RAVER2: variants seen among roughly 807,000 people sequenced by gnomAD.
RAVER2 encodes the protein ribonucleoprotein PTB-binding 2.
RAVER2 carries 46 observed loss-of-function variants against 78.1 expected under a neutral mutation model. That is an observed-to-expected ratio of 0.59 (90% confidence interval 0.46 to 0.75). The LOEUF (loss-of-function observed/expected upper bound fraction) is 0.75, where lower values mean the gene tolerates loss of function less well. RAVER2 is among the 30% of genes least tolerant of loss of function. RAVER2 has a pLI of 0.00. For synonymous variants in RAVER2, 311 were observed against 313.3 expected (o/e 0.99, Z 0.08); for missense variants, 793 against 837.5 (o/e 0.95, Z 0.66).
intron 5 of RAVER2, among the ~76,000 whole-genome samples, chr1:64,800,858 T>C (rs1275482264): frequency 6.6e-6 from 1 of 152,148 alleles, no homozygotes; most frequent in Non-Finnish European, 1.5e-5. Context: ...CTCACTGATA[T>C]CATTCTACTC....
At chr1:64,776,128 G>A (rs1036860899) in intron 2 of RAVER2, among the ~76,000 whole-genome samples, 2 of 151,950 alleles carry the variant, frequency 1.3e-5, no homozygotes, top group East Asian at 1.9e-4. Context: ...GGGCTGATAC[G>A]AGAATATAAC....
intron 3 of RAVER2, among the ~76,000 whole-genome samples, chr1:64,780,319 A>G (rs1652593905): frequency 1.3e-5 from 2 of 152,190 alleles, no homozygotes; most frequent in South Asian, 4.1e-4. Context: ...CATGTTTAGA[A>G]GAGGTAGATG....
chr1:64,785,035 G>GTCAT (rs1487100527), intron 4 of RAVER2, among the ~76,000 whole-genome samples: 1 of 152,124 alleles, frequency 6.6e-6, no homozygotes, highest in Non-Finnish European at 1.5e-5. Context: ...ATCAGCTTAT[G>GTCAT]TCATTCTCTT....
intron 1 of RAVER2, among the ~76,000 whole-genome samples, chr1:64,758,687 G>A (rs1557582867): frequency 1.3e-5 from 2 of 152,036 alleles, no homozygotes; most frequent in Admixed American, 6.6e-5. Context: ...CTTCCTTAGG[G>A]TCTCCATATA....
At chr1:64,812,094 TCAACACTTTGGTGTTGAGC>T (rs534484471) in intron 9 of RAVER2, among the ~76,000 whole-genome samples, 62 of 152,066 alleles carry the variant, frequency 4.1e-4, no homozygotes, top group African/African-American at 8.2e-4. Context: ...GCCTGTAATC[TCAACACTTTGGTGTTGAGC>T]CAACACTTTG....
At chr1:64,806,706 G>A (rs992855649) in intron 8 of RAVER2, among the ~76,000 whole-genome samples, 1 of 152,150 alleles carries the variant, frequency 6.6e-6, no homozygotes, top group African/African-American at 2.4e-5. Flanking sequence ...TGTATTAATA[G>A]CTCTCATGAG....
At chr1:64,782,991 T>G (rs1218300333) in intron 4 of RAVER2, among the ~76,000 whole-genome samples, 2 of 152,208 alleles carry the variant, frequency 1.3e-5, no homozygotes, top group African/African-American at 2.4e-5. Context: ...TTTGGTTTTC[T>G]GTCCTTGTAA....
At chr1:64,821,039 C>G (rs1220780480) in intron 11 of RAVER2, among the ~76,000 whole-genome samples, 1 of 152,186 alleles carries the variant, frequency 6.6e-6, no homozygotes, top group African/African-American at 2.4e-5. Context: ...TATTAGTGTT[C>G]CCTTTTCTCC....
In RAVER2 at chr1:64,814,837, A is replaced by G. The variant is rs149901820; in HGVS notation, c.1926A>G (p.Ala642=). 2.0e-4 allele frequency: 315 copies of G among 1,555,304 alleles called. 2 individuals are homozygous for G. In the East Asian group the frequency reaches 4.6e-3, roughly 23 times the overall value. ...ATTCTCCACCTTTTGGTGATTATGC[A>G]CAGGTAAATAATTCCCAGGTTCTGA... Residue 642 remains alanine, a synonymous_variant, in exon 11 of 12, where the codon GCA becomes GCG. Coordinates refer to ENST00000294428, the Ensembl canonical transcript of RAVER2.
chr1:64,745,976 A>G lies in RAVER2; in HGVS notation c.249+555A>G, dbSNP rs539020227. Among the ~76,000 whole-genome samples the G allele has an allele frequency of 6.6e-6, 1 of 152,366 alleles. No homozygotes were observed. The highest frequency in any genetic ancestry group is 2.1e-4 in the South Asian group (1 of 4,832). On this transcript the variant is annotated intron_variant, in intron 1 of 11. Coordinates refer to ENST00000294428, the Ensembl canonical transcript of RAVER2. The surrounding 1 kb of genome is among the most constrained non-coding windows in gnomAD (Gnocchi z 4.3). ...TGTCTTCTCAGTTTGCTAAGGCCCC[A>G]GAATAGAGTTATTGCTGCGCTCCTT... is the stretch of plus-strand genomic sequence containing the variant.
intron 1 of RAVER2, among the ~76,000 whole-genome samples, chr1:64,750,096 A>G (rs1651655923): frequency 6.6e-6 from 1 of 152,122 alleles, no homozygotes. Flanking sequence ...TTCTATTGTC[A>G]CTTTGGATAT....
intron 9 of RAVER2, among the ~76,000 whole-genome samples, chr1:64,811,811 G>A (rs1487561925): frequency 2.0e-5 from 3 of 152,088 alleles, no homozygotes; most frequent in South Asian, 2.1e-4. Flanking sequence ...CTGTGTAGGG[G>A]GTTGGCACCC....
intron 1 of RAVER2, among the ~76,000 whole-genome samples, chr1:64,761,741 A>C (rs1170624143): frequency 6.6e-6 from 1 of 152,228 alleles, no homozygotes; most frequent in Non-Finnish European, 1.5e-5. Flanking sequence ...ATATAAAAAA[A>C]GATGTAAAAC....
At chr1:64,752,427 T>C (rs909207476) in intron 1 of RAVER2, among the ~76,000 whole-genome samples, 1 of 152,242 alleles carries the variant, frequency 6.6e-6, no homozygotes, top group Non-Finnish European at 1.5e-5. Context: ...GGAATGTTGC[T>C]AGCCTAGGAT....
intron 1 of RAVER2, among the ~76,000 whole-genome samples, chr1:64,756,976 C>T (rs1212301587): frequency 6.6e-6 from 1 of 152,172 alleles, no homozygotes; most frequent in Admixed American, 6.5e-5. Context: ...TCAGGGGGTA[C>T]ATGACATTAA....
At chr1:64,768,137 G>A (rs1015020345) in intron 1 of RAVER2, among the ~76,000 whole-genome samples, 8 of 151,782 alleles carry the variant, frequency 5.3e-5, no homozygotes, top group African/African-American at 1.9e-4. Context: ...GCATCTACAG[G>A]TGTATTACTT....
chr1:64,823,344 T>A (rs546201217), intron 11 of RAVER2, among the ~76,000 whole-genome samples: 1 of 152,334 alleles, frequency 6.6e-6, no homozygotes, highest in East Asian at 1.9e-4. Context: ...TAATAATTAA[T>A]TAGAATTGCC....
At chr1:64,761,473 A>T (rs926011689) in intron 1 of RAVER2, among the ~76,000 whole-genome samples, 2 of 152,202 alleles carry the variant, frequency 1.3e-5, no homozygotes, top group Non-Finnish European at 2.9e-5. Flanking sequence ...GATGAGATTT[A>T]ACTCATCTCA....
At chr1:64,831,998 C>CTAA (rs1405937877) in exon 12 of RAVER2, 1 of 152,078 alleles carries the variant, frequency 6.6e-6, no homozygotes, top group Admixed American at 6.5e-5. Context: ...GATCCCTGAT[C>CTAA]TAATAGCACT....
Sources: gnomAD v4.1 joint callset for allele counts (sites outside exome capture counted in the v4.1 genomes callset) on GRCh38, gnomAD v4.1.1 for gene constraint, Gnocchi (gnomAD v3.1) non-coding constraint, MANE v1.5 for transcripts, NCBI Gene and HGNC (gene_info 2026-07-23, HGNC 2026-07-21) for gene names.